RERE: variants seen among roughly 807,000 people sequenced by gnomAD.
RERE encodes arginine-glutamic acid dipeptide repeats protein.
In RERE, 40 loss-of-function variants were observed where a neutral mutation model predicts 146.1. The ratio of observed to expected loss-of-function variants is 0.27; its 90% CI spans 0.21 to 0.36. The LOEUF (loss-of-function observed/expected upper bound fraction) is 0.36. Ranked by LOEUF, RERE falls within the 10% of genes least tolerant of loss-of-function variation. The pLI is 1.00. For missense variants in RERE, 1,933 were observed against 2,138.7 expected (o/e 0.90, Z 1.90); for synonymous variants, 1,003 against 866.0 (o/e 1.16, Z -2.78).
At chr1:8,728,597 C>T (rs1187616927) in intron 1 of RERE, among the ~76,000 whole-genome samples, 1 of 152,162 alleles carries the variant, frequency 6.6e-6, no homozygotes, top group Non-Finnish European at 1.5e-5. Flanking sequence ...AGTATTTCCT[C>T]AAAGGACAGC....
At chr1:8,589,077 T>C (rs1646460804) in intron 4 of RERE, among the ~76,000 whole-genome samples, 1 of 151,936 alleles carries the variant, frequency 6.6e-6, no homozygotes. Context: ...TGAGCTGAGA[T>C]GGTGCCACTA....
chr1:8,366,444 G>A (rs1213158663), intron 12 of RERE, among the ~76,000 whole-genome samples: 1 of 152,204 alleles, frequency 6.6e-6, no homozygotes. Context: ...GAAATGCCCG[G>A]CCAGTTAGAC....
intron 10 of RERE, among the ~76,000 whole-genome samples, chr1:8,485,216 C>A (rs1644883462): frequency 6.6e-6 from 1 of 152,112 alleles, no homozygotes; most frequent in South Asian, 2.1e-4. Flanking sequence ...ACAAAATTCA[C>A]TGGACGTGGT....
intron 1 of RERE, among the ~76,000 whole-genome samples, chr1:8,685,980 ATTT>A (rs3044418): frequency 1.2e-3 from 168 of 144,212 alleles, no homozygotes; most frequent in Admixed American, 1.3e-3. Context: ...TCTTTAGGTA[ATTT>A]TTTTTTTTTT....
At chr1:8,376,443 G>A (rs77014960) in intron 12 of RERE, among the ~76,000 whole-genome samples, 1 of 152,172 alleles carries the variant, frequency 6.6e-6, no homozygotes, top group Non-Finnish European at 1.5e-5. Flanking sequence ...CATGAGTGAA[G>A]ATTTAGAATT....
intron 8 of RERE, among the ~76,000 whole-genome samples, chr1:8,507,244 C>G (rs1223734665): frequency 6.6e-6 from 1 of 152,208 alleles, no homozygotes; most frequent in Non-Finnish European, 1.5e-5. Context: ...CCTCTGTGCT[C>G]TAGCCTTGGC....
At chr1:8,469,395 G>T (rs1644650276) in intron 10 of RERE, among the ~76,000 whole-genome samples, 1 of 152,160 alleles carries the variant, frequency 6.6e-6, no homozygotes, top group Non-Finnish European at 1.5e-5. Context: ...GAGGTTGGTG[G>T]ATCATGAAGT....
At chr1:8,503,366 C>A (rs1645207312) in intron 8 of RERE, among the ~76,000 whole-genome samples, 1 of 152,124 alleles carries the variant, frequency 6.6e-6, no homozygotes, top group African/African-American at 2.4e-5. Context: ...GTCAGCCATC[C>A]CGCTTCTGGG....
intron 1 of RERE, among the ~76,000 whole-genome samples, chr1:8,683,471 T>G (rs1046931264): frequency 6.6e-6 from 1 of 152,040 alleles, no homozygotes; most frequent in African/African-American, 2.4e-5. Flanking sequence ...AAAAACCTCT[T>G]CAGAGACACA....
chr1:8,386,014 ATATATATATTTTTTTTT>A lies in RERE; in HGVS notation c.1285-20057_1285-20041del, dbSNP rs1261603468. On this transcript the variant is annotated intron_variant, in intron 12 of 22. Coordinates refer to ENST00000400908, the MANE Select transcript of RERE (RefSeq NM_001042681.2). ...AAAAAATATATATATATATATATAT[ATATATATATTTTTTTTT>A]TTTTTTTTTTTTTTTTTCTTGGTTC... 2.0e-3 allele frequency among the ~76,000 whole-genome samples: 87 copies of A among 44,610 alleles called. 2 individuals are homozygous for A. The highest frequency in any genetic ancestry group is 7.9e-3 in the African/African-American group (84 of 10,636). 29.3% of individuals were successfully genotyped at this position (44,610 alleles called of 152,430 possible).
intron 1 of RERE, among the ~76,000 whole-genome samples, chr1:8,794,489 C>T: frequency 6.6e-6 from 1 of 151,802 alleles, no homozygotes; most frequent in Non-Finnish European, 1.5e-5. Context: ...AAAACTGCTA[C>T]CTGTTCCCAT....
chr1:8,789,520 C>A (rs1205948149), intron 1 of RERE, among the ~76,000 whole-genome samples: 1 of 151,564 alleles, frequency 6.6e-6, no homozygotes, highest in East Asian at 1.9e-4. Context: ...CAATACACTT[C>A]CCATCCCCAC....
Position 8,423,524 on chromosome 1 carries a change from G to T in RERE, c.1204-717C>A. ...CCATGCCTCCCGAGCACCCCTCCCC[G>T]CCCCGGTGGGGGCAGCTCCTGGCTC... On this transcript the variant is annotated intron_variant, in intron 11 of 22. Transcript: ENST00000400908. This position sits in a 1 kb window ranked among gnomAD's most constrained non-coding sequence, Gnocchi z 5.4. 1 of 984,058 alleles carries T rather than the reference G, an allele frequency of 1.0e-6. No individual in the cohort carries two copies. Among genetic ancestry groups the T allele is most frequent in the South Asian group, 4.7e-5 (1 of 21,234 alleles). The allele number at this position is 984,058 out of a possible 1,614,324, so 61.0% of individuals were successfully genotyped here. A position where few individuals can be genotyped will look rare whatever the true frequency, so the allele number is the denominator to read the frequency against.
intron 4 of RERE, among the ~76,000 whole-genome samples, chr1:8,577,788 A>G (rs184544715): frequency 2.7e-3 from 413 of 152,316 alleles, no homozygotes; most frequent in Middle Eastern, 0.014. Context: ...CTGAGGCTGG[A>G]CATGCACTTT....
chr1:8,773,513 G>T (rs1640996005), intron 1 of RERE, among the ~76,000 whole-genome samples: 1 of 152,024 alleles, frequency 6.6e-6, no homozygotes, highest in Non-Finnish European at 1.5e-5. Flanking sequence ...GCACAACATG[G>T]CAAAACCCCA....
chr1:8,529,152 T>C (rs914059012), intron 7 of RERE, among the ~76,000 whole-genome samples: 2 of 152,204 alleles, frequency 1.3e-5, no homozygotes, highest in South Asian at 2.1e-4. Context: ...AAAAGATATA[T>C]GGAGGTTCTT....
At chr1:8,809,793 A>C (rs917289484) in intron 1 of RERE, among the ~76,000 whole-genome samples, 1 of 152,248 alleles carries the variant, frequency 6.6e-6, no homozygotes, top group African/African-American at 2.4e-5. Context: ...CAAGAGATGT[A>C]TAATCTAATA....
At chr1:8,781,352 G>A (rs1020354420) in intron 1 of RERE, among the ~76,000 whole-genome samples, 24 of 133,342 alleles carry the variant, frequency 1.8e-4, no homozygotes, top group Non-Finnish European at 3.0e-4. Flanking sequence ...GCAAGACTCC[G>A]TCTCAAAAAA....
chr1:8,562,843 T>G (rs765419405), intron 4 of RERE, among the ~76,000 whole-genome samples: 29 of 152,150 alleles, frequency 1.9e-4, no homozygotes, highest in African/African-American at 6.0e-4. Flanking sequence ...AGGAGATTAA[T>G]AGAGGACAAA....
Sources: gnomAD v4.1 joint callset for allele counts (sites outside exome capture counted in the v4.1 genomes callset) on GRCh38, gnomAD v4.1.1 for gene constraint, Gnocchi (gnomAD v3.1) non-coding constraint, MANE v1.5 for transcripts, NCBI Gene and HGNC (gene_info 2026-07-23, HGNC 2026-07-21) for gene names.